SEH1L: variants seen among roughly 807,000 people sequenced by gnomAD.
SEH1L encodes SEH1 like nucleoporin, also known as nucleoporin SEH1.
In SEH1L, 18 loss-of-function variants were observed where a neutral mutation model predicts 49.5. The ratio of observed to expected loss-of-function variants is 0.36; its 90% CI spans 0.25 to 0.54. The LOEUF (loss-of-function observed/expected upper bound fraction) is 0.54, where lower values mean the gene tolerates loss of function less well. Among genes scored for constraint, SEH1L ranks in the 20% least tolerant of loss-of-function variants. SEH1L has a pLI of 0.87. For missense variants in SEH1L, 404 were observed against 528.8 expected, an observed-to-expected ratio of 0.76 and a Z score of 2.31; for synonymous variants, 169 against 178.1, an observed-to-expected ratio of 0.95 and a Z score of 0.41.
intron 4 of SEH1L, among the ~76,000 whole-genome samples, chr18:12,963,985 T>C (rs2031318111): frequency 6.6e-6 from 1 of 152,232 alleles, no homozygotes; most frequent in African/African-American, 2.4e-5. Flanking sequence ...AGTGCTGGGA[T>C]GACAGGCGTG....
intron 6 of SEH1L, among the ~76,000 whole-genome samples, chr18:12,979,953 C>G (rs1447728793): frequency 7.7e-6 from 1 of 130,422 alleles, no homozygotes; most frequent in African/African-American, 3.0e-5. Context: ...GGCGGCCGGG[C>G]AGAGGTGCCC....
chr18:12,949,796 C>G (rs1199143044), intron 1 of SEH1L, among the ~76,000 whole-genome samples: 1 of 152,066 alleles, frequency 6.6e-6, no homozygotes, highest in Non-Finnish European at 1.5e-5. Flanking sequence ...GCATAGAGCA[C>G]AGCATTCACA....
At chr18:12,950,202 T>G (rs1319040807) in intron 1 of SEH1L, among the ~76,000 whole-genome samples, 3 of 151,876 alleles carry the variant, frequency 2.0e-5, no homozygotes, top group East Asian at 1.9e-4. Flanking sequence ...CCTGGCCAAT[T>G]AAAACATTTT....
intron 4 of SEH1L, among the ~76,000 whole-genome samples, chr18:12,966,394 C>T (rs2145632763): frequency 6.6e-6 from 1 of 150,424 alleles, no homozygotes. Context: ...ACCCAGCCAC[C>T]ATTTATTATT....
At chr18:12,980,608 G>A (rs2032185235) in intron 6 of SEH1L, among the ~76,000 whole-genome samples, 2 of 131,886 alleles carry the variant, frequency 1.5e-5, no homozygotes, top group Admixed American at 7.4e-5. Context: ...AGCTGGCCGG[G>A]CAGAGGGGCT....
At position 12,987,089 on chromosome 18, in the gene SEH1L, A is replaced by C. The variant is rs774134493; in HGVS notation, c.*32A>C. The C allele has an allele frequency of 1.3e-5, 18 of 1,427,172 alleles. No individual in the cohort carries two copies. The highest frequency in any genetic ancestry group is 1.7e-5 in the Non-Finnish European group (18 of 1,045,462). The allele number at this position is 1,427,172 out of a possible 1,614,324, so 88.4% of individuals were successfully genotyped here. A position where few individuals can be genotyped will look rare whatever the true frequency, so the allele number is the denominator to read the frequency against. On this transcript the variant is annotated 3_prime_UTR_variant, in exon 9 of 9. Coordinates refer to ENST00000399892, the MANE Select transcript of SEH1L (RefSeq NM_001013437.2). ...GATTTAACATTGAAAGGCCTTATTC[A>C]AGTGCTTGTAAATGCTTTCATTTCT...
intron 6 of SEH1L, among the ~76,000 whole-genome samples, chr18:12,981,336 G>T (rs1234413806): frequency 3.3e-5 from 5 of 151,750 alleles, no homozygotes; most frequent in South Asian, 2.1e-4. Context: ...TCGGCACTTT[G>T]GGGGGCCAAG....
chr18:12,986,243 T>C (rs1235325433), intron 8 of SEH1L: 1 of 985,248 alleles, frequency 1.0e-6, no homozygotes, highest in African/African-American at 1.7e-5. Context: ...GTAAGTATTA[T>C]CGGTAAGTTA....
intron 2 of SEH1L, among the ~76,000 whole-genome samples, chr18:12,954,646 T>C (rs2145609101): frequency 6.6e-6 from 1 of 152,202 alleles, no homozygotes; most frequent in South Asian, 2.1e-4. Flanking sequence ...TTTTGTATTT[T>C]TTGTAGTGAT....
chr18:12,950,801 A>AT (rs1464580253), intron 1 of SEH1L, among the ~76,000 whole-genome samples: 1 of 151,952 alleles, frequency 6.6e-6, no homozygotes, highest in Non-Finnish European at 1.5e-5. Flanking sequence ...TGTAATCTAT[A>AT]TTTTTTCTGG....
At chr18:12,985,954 T>G (rs1198920911) in intron 8 of SEH1L, 1 of 903,534 alleles carries the variant, frequency 1.1e-6, no homozygotes, top group East Asian at 1.2e-4. Context: ...TTATAAGTTT[T>G]TAATTCATAG....
At chr18:12,975,512 A>G (rs2031881732) in intron 5 of SEH1L, among the ~76,000 whole-genome samples, 1 of 151,656 alleles carries the variant, frequency 6.6e-6, no homozygotes, top group African/African-American at 2.4e-5. Flanking sequence ...CTTGAAAGAC[A>G]GAGGGTGTTC....
chr18:12,961,867 A>G (rs2145623175), intron 3 of SEH1L, among the ~76,000 whole-genome samples: 1 of 152,214 alleles, frequency 6.6e-6, no homozygotes, highest in African/African-American at 2.4e-5. Flanking sequence ...GGGTTTCACC[A>G]TGTTGGACAG....
chr18:12,969,000 C>T (rs1484278314), intron 4 of SEH1L, among the ~76,000 whole-genome samples: 1 of 151,934 alleles, frequency 6.6e-6, no homozygotes, highest in African/African-American at 2.4e-5. Flanking sequence ...CACCTAAGGT[C>T]GGGAGTTCGA....
intron 6 of SEH1L, among the ~76,000 whole-genome samples, chr18:12,981,467 C>G (rs1008093746): frequency 6.6e-6 from 1 of 152,210 alleles, no homozygotes; most frequent in Non-Finnish European, 1.5e-5. Flanking sequence ...CTCGGGAGGC[C>G]GAGGCTGGCG....
chr18:12,975,697 G>A, intron 5 of SEH1L: 1 of 985,782 alleles, frequency 1.0e-6, no homozygotes, highest in Non-Finnish European at 1.2e-6. Context: ...CTTTTGCAGG[G>A]TCCAGTAGAG....
chr18:12,950,187 C>A (rs1479610121), intron 1 of SEH1L, among the ~76,000 whole-genome samples: 1 of 151,998 alleles, frequency 6.6e-6, no homozygotes, highest in Admixed American at 6.6e-5. Context: ...GTGCACGCCA[C>A]CACGCCTGGC....
intron 4 of SEH1L, among the ~76,000 whole-genome samples, chr18:12,967,929 GAAAA>G (rs544829923): frequency 3.6e-5 from 5 of 139,294 alleles, no homozygotes; most frequent in Non-Finnish European, 7.9e-5. Flanking sequence ...AGAAAAAAAA[GAAAA>G]AAAAAAAGAA....
At chr18:12,948,257 G>A (rs750811970) in intron 1 of SEH1L, 25 bp downstream of exon 1, 1 of 1,573,628 alleles carries the variant, frequency 6.4e-7, no homozygotes, top group South Asian at 1.1e-5. Flanking sequence ...TGCGGGCGGG[G>A]CCGACCCCGG....
Sources: gnomAD v4.1 joint callset for allele counts (sites outside exome capture counted in the v4.1 genomes callset) on GRCh38, gnomAD v4.1.1 for gene constraint, MANE v1.5 for transcripts, NCBI Gene and HGNC (gene_info 2026-07-23, HGNC 2026-07-21) for gene names.